Variants in ARHGAP10 observed in about 807,000 individuals in gnomAD.
ARHGAP10 encodes rho GTPase-activating protein 10.
A neutral mutation model predicts 108.6 loss-of-function variants in ARHGAP10; 87 were observed. The ratio of observed to expected loss-of-function variants is 0.80; its 90% confidence interval spans 0.67 to 0.96. The LOEUF (loss-of-function observed/expected upper bound fraction) is 0.96. ARHGAP10 is among the 40% of genes least tolerant of loss of function. The probability of loss-of-function intolerance (pLI) is 0.00; values close to 1 mark genes in which losing one functional copy is unlikely to be tolerated. For missense variants in ARHGAP10, 939 were observed against 954.5 expected, an observed-to-expected ratio of 0.98 and a Z score of 0.21; for synonymous variants, 347 against 341.1, an observed-to-expected ratio of 1.02 and a Z score of -0.19.
At chr4:148,070,126 G>A (rs566737597) in intron 22 of ARHGAP10, among the ~76,000 whole-genome samples, 16 of 152,340 alleles carry the variant, frequency 1.1e-4, no homozygotes, top group African/African-American at 3.8e-4. Flanking sequence ...TGCTCTCATA[G>A]TCTGGACTAG....
chr4:147,908,767 C>T (rs899397724), intron 11 of ARHGAP10, among the ~76,000 whole-genome samples: 2 of 152,286 alleles, frequency 1.3e-5, no homozygotes, highest in Non-Finnish European at 2.9e-5. Flanking sequence ...CCTTATCACT[C>T]CATAGCTGTA....
intron 18 of ARHGAP10, chr4:148,022,969 T>A (rs1741624783): frequency 4.7e-6 from 1 of 210,768 alleles, no homozygotes; most frequent in Non-Finnish European, 9.4e-6. Flanking sequence ...AGGGCTGTGG[T>A]ACTGTCTATA....
intron 1 of ARHGAP10, among the ~76,000 whole-genome samples, chr4:147,773,252 T>C (rs1730146168): frequency 6.6e-6 from 1 of 152,232 alleles, no homozygotes; most frequent in Non-Finnish European, 1.5e-5. Flanking sequence ...TATGTATGTA[T>C]ATATTATCAT....
At chr4:147,955,688 A>T (rs1346646744) in intron 16 of ARHGAP10, among the ~76,000 whole-genome samples, 4 of 152,158 alleles carry the variant, frequency 2.6e-5, no homozygotes, top group Admixed American at 2.6e-4. Context: ...TACAAAATGT[A>T]CAATAATGGC....
At position 147,901,502 on chromosome 4, in the gene ARHGAP10, T is replaced by C. The variant is rs375476820; in HGVS notation, c.1035-5136T>C. On this transcript the variant is annotated intron_variant, in intron 10 of 22. Transcript: ENST00000336498. ...ACAAATGGAATTCTTTCCTTGTGAA[T>C]GATCCATTTCTACTTAATCTCTCAT... 2.8e-4 allele frequency among the ~76,000 whole-genome samples: 42 copies of C among 152,358 alleles called. No homozygotes were observed. In the South Asian group the frequency reaches 7.9e-3, roughly 29 times the overall value.
chr4:148,065,132 C>T (rs1386154856), intron 22 of ARHGAP10: 1 of 152,190 alleles, frequency 6.6e-6, no homozygotes, highest in Non-Finnish European at 1.5e-5. Flanking sequence ...TGTCTTTTTT[C>T]TCCTGCTCTT....
At chr4:147,831,130 G>GC (rs1247653715) in intron 3 of ARHGAP10, among the ~76,000 whole-genome samples, 2 of 152,220 alleles carry the variant, frequency 1.3e-5, no homozygotes, top group African/African-American at 4.8e-5. Context: ...TGAAATCAGA[G>GC]CTACTGGCTT....
At chr4:147,906,516 A>T (rs535908677) in intron 10 of ARHGAP10, 122 bp from the exon 11 acceptor site, 2 of 828,826 alleles carry the variant, frequency 2.4e-6, no homozygotes, top group African/African-American at 1.7e-5. Flanking sequence ...GATAAATTTT[A>T]GGTTACATGT....
intron 18 of ARHGAP10, among the ~76,000 whole-genome samples, chr4:147,999,593 A>G (rs1740615588): frequency 6.6e-6 from 1 of 152,206 alleles, no homozygotes; most frequent in Admixed American, 6.5e-5. Context: ...CTAAGTGCCC[A>G]TGTTCGTCGT....
At chr4:148,066,971 C>T (rs779663666) in intron 22 of ARHGAP10, among the ~76,000 whole-genome samples, 10 of 152,234 alleles carry the variant, frequency 6.6e-5, no homozygotes, top group African/African-American at 1.4e-4. Flanking sequence ...CTGTGCTCTG[C>T]GGTGCTGGTA....
intron 20 of ARHGAP10, among the ~76,000 whole-genome samples, chr4:148,060,034 G>GAA: frequency 6.6e-6 from 1 of 151,512 alleles, no homozygotes; most frequent in Non-Finnish European, 1.5e-5. Context: ...AGACGAGAGA[G>GAA]AGACGAGAGA....
chr4:147,791,227 T>G (rs1731110257), intron 1 of ARHGAP10, among the ~76,000 whole-genome samples: 1 of 151,594 alleles, frequency 6.6e-6, no homozygotes, highest in African/African-American at 2.4e-5. Flanking sequence ...TTCTCCTGCC[T>G]CGGCCTCCTG....
chr4:147,815,713 G>A (rs913037803), intron 1 of ARHGAP10, among the ~76,000 whole-genome samples: 11 of 60,568 alleles, frequency 1.8e-4, no homozygotes, highest in Non-Finnish European at 1.3e-4. Context: ...AAAAATAGGC[G>A]ATAGGCGTGG....
At chr4:147,799,943 T>A (rs1055283630) in intron 1 of ARHGAP10, among the ~76,000 whole-genome samples, 15 of 152,236 alleles carry the variant, frequency 9.9e-5, no homozygotes, top group Non-Finnish European at 1.9e-4. Context: ...ATGTTCTGAA[T>A]CCCATTTAAA....
chr4:147,794,444 C>G (rs1731236371), intron 1 of ARHGAP10, among the ~76,000 whole-genome samples: 1 of 152,088 alleles, frequency 6.6e-6, no homozygotes. Flanking sequence ...TATATATGTG[C>G]ACTTTTATGA....
intron 22 of ARHGAP10, 102 bp downstream of exon 22, chr4:148,064,609 G>A (rs549000070): frequency 1.6e-5 from 16 of 1,007,846 alleles, no homozygotes; most frequent in Admixed American, 8.8e-5. Flanking sequence ...TCGGGAGGGC[G>A]AGTCTCCCCC....
chr4:147,794,638 G>A (rs1731242453), intron 1 of ARHGAP10, among the ~76,000 whole-genome samples: 6 of 152,082 alleles, frequency 3.9e-5, no homozygotes, highest in Admixed American at 3.9e-4. Context: ...TGAGTTATAT[G>A]GTACATATTT....
chr4:147,732,601 A>G (rs1728263730), intron 1 of ARHGAP10, 146 bp downstream of exon 1: 3 of 1,163,900 alleles, frequency 2.6e-6, no homozygotes, highest in Non-Finnish European at 3.5e-6. Flanking sequence ...GCTCTCTCGG[A>G]ACCCCGGGGG....
chr4:147,854,298 A>G (rs1462423452), intron 4 of ARHGAP10, among the ~76,000 whole-genome samples: 1 of 152,240 alleles, frequency 6.6e-6, no homozygotes, highest in Non-Finnish European at 1.5e-5. Flanking sequence ...CAGAGAAATC[A>G]GAAGACATGG....
Sources: gnomAD v4.1 joint callset for allele counts (sites outside exome capture counted in the v4.1 genomes callset) on GRCh38, gnomAD v4.1.1 for gene constraint, MANE v1.5 for transcripts, NCBI Gene and HGNC (gene_info 2026-07-23, HGNC 2026-07-21) for gene names.